The following EHD4 variants were observed in gnomAD, a reference collection of about 807,000 sequenced individuals.
EHD4 encodes the protein EH domain-containing protein 4.
EHD4 carries 37 observed loss-of-function variants against 51.0 expected under a neutral mutation model. The ratio of observed to expected loss-of-function variants is 0.73; its 90% CI spans 0.56 to 0.95. The LOEUF (loss-of-function observed/expected upper bound fraction) is 0.95, where lower values mean the gene tolerates loss of function less well. Ranked by LOEUF, EHD4 falls within the 40% of genes least tolerant of loss-of-function variation. EHD4 has a pLI of 0.00. For missense variants in EHD4, 632 were observed against 733.1 expected (o/e 0.86, Z 1.59); for synonymous variants, 297 against 317.3 (o/e 0.94, Z 0.68).
chr15:41,901,314 A>T, intron 5 of EHD4, 133 bp from the exon 6 acceptor site: 1 of 857,676 alleles, frequency 1.2e-6, no homozygotes, highest in Non-Finnish European at 1.7e-6. Context: ...ACTCTTTGGG[A>T]GCTTCCCACA....
rs781568692 is a variant in EHD4 at position 41,972,348 on chromosome 15, G to C, written c.147C>G (p.His49Gln). 6.2e-7 allele frequency: 1 copy of C among 1,611,440 alleles called. No homozygotes were observed. Among genetic ancestry groups the C allele is most frequent in the Non-Finnish European group, 8.5e-7 (1 of 1,178,878 alleles). ...AGTCGGCGTCCTCCAGCGCAGGCGA[G>C]TGGAACTCGTGGAAGCGGTACGCCT... is the stretch of plus-strand genomic sequence containing the variant. ...LEEAYRFHEF[H>Q]SPALEDADFE... The change falls in exon 1 of 6, where the codon CAC becomes CAG. Residue 49 changes from histidine to glutamine, a missense_variant. By Grantham distance (24) the His-to-Gln change is conservative. Coordinates refer to ENST00000220325, the MANE Select transcript of EHD4 (RefSeq NM_139265.4).
intron 2 of EHD4, among the ~76,000 whole-genome samples, chr15:41,950,531 G>A (rs1263610922): frequency 2.0e-5 from 3 of 152,212 alleles, no homozygotes; most frequent in Admixed American, 1.3e-4. Context: ...GTTCCCAGAC[G>A]GAAGCTATAA....
chr15:41,917,445 C>G (rs1191508238), intron 4 of EHD4, among the ~76,000 whole-genome samples: 1 of 152,178 alleles, frequency 6.6e-6, no homozygotes. Flanking sequence ...TGACTGAATA[C>G]AGCAGCATCT....
chr15:41,924,514 G>C (rs1258269274), intron 3 of EHD4, among the ~76,000 whole-genome samples: 1 of 152,196 alleles, frequency 6.6e-6, no homozygotes, highest in African/African-American at 2.4e-5. Flanking sequence ...TTGGCACCTA[G>C]AAAGCTGTCC....
intron 1 of EHD4, among the ~76,000 whole-genome samples, chr15:41,970,873 A>T (rs2067990964): frequency 6.6e-6 from 1 of 152,254 alleles, no homozygotes; most frequent in Non-Finnish European, 1.5e-5. Context: ...ACTAGACAGT[A>T]TTACTGAGAC....
At chr15:41,954,451 C>T (rs1034426836) in intron 1 of EHD4, among the ~76,000 whole-genome samples, 1 of 152,206 alleles carries the variant, frequency 6.6e-6, no homozygotes, top group Non-Finnish European at 1.5e-5. Flanking sequence ...TGGTCCTAAA[C>T]TACTTCTTTG....
intron 1 of EHD4, among the ~76,000 whole-genome samples, chr15:41,966,874 C>A (rs1414059955): frequency 6.6e-6 from 1 of 152,186 alleles, no homozygotes; most frequent in East Asian, 1.9e-4. Context: ...TGGTACTTTC[C>A]CCGGAGGGTC....
In EHD4 at chr15:41,897,746, C is replaced by T. The variant is rs535809060; in HGVS notation, c.*2899G>A. 1.3e-5 allele frequency: 2 copies of T among 152,340 alleles called. No individual in the cohort carries two copies. Among genetic ancestry groups the T allele is most frequent in the South Asian group, 2.1e-4 (1 of 4,832 alleles). The allele number at this position is 152,340 out of a possible 1,614,324, so 9.4% of individuals were successfully genotyped here. A position where few individuals can be genotyped will look rare whatever the true frequency, so the allele number is the denominator to read the frequency against. The stretch of plus-strand genomic sequence containing the variant: ...GGAGTTTTCATTTTCCCTTTAAACT[C>T]AAGACCGGAAGGTTTGTGTTATGCG... On this transcript the variant is annotated 3_prime_UTR_variant, in exon 6 of 6. Coordinates refer to ENST00000220325, the MANE Select transcript of EHD4 (RefSeq NM_139265.4).
At chr15:41,921,151 C>T (rs2067622314) in intron 3 of EHD4, among the ~76,000 whole-genome samples, 2 of 152,188 alleles carry the variant, frequency 1.3e-5, no homozygotes, top group South Asian at 4.1e-4. Context: ...GCACCCCTCC[C>T]TGAGCCCTTC....
At chr15:41,901,881 C>G (rs1213799120) in intron 5 of EHD4, among the ~76,000 whole-genome samples, 1 of 152,198 alleles carries the variant, frequency 6.6e-6, no homozygotes, top group East Asian at 1.9e-4. Flanking sequence ...GGTATCGAGG[C>G]AGGGCCACGG....
At chr15:41,936,223 C>G (rs1159276890) in intron 3 of EHD4, among the ~76,000 whole-genome samples, 1 of 152,150 alleles carries the variant, frequency 6.6e-6, no homozygotes, top group Non-Finnish European at 1.5e-5. Flanking sequence ...TCCCAAGGCA[C>G]GAATGCTGGG....
intron 3 of EHD4, among the ~76,000 whole-genome samples, chr15:41,921,971 C>A (rs1595534342): frequency 6.6e-6 from 1 of 152,212 alleles, no homozygotes; most frequent in African/African-American, 2.4e-5. Context: ...ATGGTGGTGG[C>A]GGCTTCCTAA....
intron 5 of EHD4, 150 bp from the exon 6 acceptor site, chr15:41,901,331 T>C: frequency 4.1e-6 from 3 of 735,148 alleles, no homozygotes; most frequent in Non-Finnish European, 6.1e-6. Flanking sequence ...CACATCCAGA[T>C]GTACCACATA....
chr15:41,926,899 GA>G (rs1430566159), intron 3 of EHD4, among the ~76,000 whole-genome samples: 1 of 152,142 alleles, frequency 6.6e-6, no homozygotes, highest in Non-Finnish European at 1.5e-5. Context: ...TCCCTCTGGG[GA>G]ACTTTCCTCC....
At position 41,971,757 on chromosome 15, in the gene EHD4, T is replaced by G. The variant is rs112484646; in HGVS notation, c.236+502A>C. Among the ~76,000 whole-genome samples, 1,152 of 152,182 alleles carry G rather than the reference T, an allele frequency of 7.6e-3. 11 individuals are homozygous for G. Among genetic ancestry groups the G allele is most frequent in the African/African-American group, 0.023 (937 of 41,512 alleles). ...ATCCCCTCCCCACAACACTGTGGGGTGGCACGTAAAGACCTCAAGGGAAGG... is the reference window on the plus strand; with the variant it reads ...ATCCCCTCCCCACAACACTGTGGGGGGGCACGTAAAGACCTCAAGGGAAGG... On this transcript the variant is annotated intron_variant, in intron 1 of 5. Coordinates refer to ENST00000220325, the MANE Select transcript of EHD4 (RefSeq NM_139265.4).
chr15:41,910,037 G>A (rs1381352269), intron 4 of EHD4, among the ~76,000 whole-genome samples, 174 bp from the exon 5 acceptor site: 1 of 152,186 alleles, frequency 6.6e-6, no homozygotes, highest in Non-Finnish European at 1.5e-5. Context: ...AAGGGTGGCC[G>A]GAATGTGGCC....
At chr15:41,909,997 G>A in intron 4 of EHD4, 134 bp from the exon 5 acceptor site, 1 of 1,182,072 alleles carries the variant, frequency 8.5e-7, no homozygotes, top group Non-Finnish European at 1.2e-6. Flanking sequence ...GACAGGAGGA[G>A]GGGAGGGTCC....
intron 1 of EHD4, among the ~76,000 whole-genome samples, chr15:41,971,233 G>A (rs2067993193): frequency 1.3e-5 from 2 of 152,172 alleles, no homozygotes; most frequent in Non-Finnish European, 2.9e-5. Context: ...TCCAAATATA[G>A]ATGCAGTTTT....
chr15:41,936,610 C>G (rs1450641788), intron 3 of EHD4, among the ~76,000 whole-genome samples: 1 of 152,192 alleles, frequency 6.6e-6, no homozygotes, highest in Non-Finnish European at 1.5e-5. Flanking sequence ...TTCTCCCCAT[C>G]AAATAAAATT....
Sources: allele counts gnomAD v4.1 joint callset (sites outside exome capture counted in the v4.1 genomes callset), GRCh38; gene constraint gnomAD v4.1.1; transcripts MANE v1.5; gene names NCBI Gene and HGNC (gene_info 2026-07-23, HGNC 2026-07-21).